The following RAB5A variants were observed in gnomAD, a reference collection of about 807,000 sequenced individuals.
The protein encoded by RAB5A is ras-related protein Rab-5A.
Under a neutral mutation model 25.7 loss-of-function variants are expected in RAB5A, and 8 were observed. That is an observed-to-expected ratio of 0.31 (90% CI 0.18 to 0.56). RAB5A has a LOEUF of 0.56. Among genes scored for constraint, RAB5A ranks in the 20% least tolerant of loss-of-function variants. The pLI is 0.91. For synonymous variants in RAB5A, 98 were observed against 89.8 expected (o/e 1.09, Z -0.52); for missense variants, 192 against 259.7 (o/e 0.74, Z 1.79).
intron 2 of RAB5A, among the ~76,000 whole-genome samples, chr3:19,959,625 A>ATTTTTTTTTTTTTTTTTTTTTTTTTT (rs63289661): frequency 8.5e-6 from 1 of 117,916 alleles, no homozygotes; most frequent in Non-Finnish European, 1.7e-5. Context: ...TTGTGTTCTG[A>ATTTTTTTTTTTTTTTTTTTTTTTTTT]TTTTTTTTTT....
At chr3:19,968,880 C>T (rs1052102201) in intron 2 of RAB5A, among the ~76,000 whole-genome samples, 1 of 152,208 alleles carries the variant, frequency 6.6e-6, no homozygotes, top group Admixed American at 6.5e-5. Flanking sequence ...TGCCCTCACA[C>T]TATCTTTTGG....
At chr3:19,975,393 A>T (rs1696808522) in intron 2 of RAB5A, 2 of 446,670 alleles carry the variant, frequency 4.5e-6, no homozygotes, top group Non-Finnish European at 7.9e-6. Flanking sequence ...TAAAGCTATT[A>T]TCAGCTGTGG....
chr3:19,966,959 C>T (rs1284172660), intron 2 of RAB5A, among the ~76,000 whole-genome samples: 1 of 152,086 alleles, frequency 6.6e-6, no homozygotes, highest in Non-Finnish European at 1.5e-5. Context: ...CCATGCCTGG[C>T]TATGTAAATT....
intron 1 of RAB5A, among the ~76,000 whole-genome samples, chr3:19,950,216 A>T (rs958976119): frequency 6.6e-6 from 1 of 152,218 alleles, no homozygotes; most frequent in African/African-American, 2.4e-5. Flanking sequence ...CGTTAGGCAC[A>T]CAAACCTGGG....
At chr3:19,971,586 C>G (rs1696752756) in intron 2 of RAB5A, among the ~76,000 whole-genome samples, 1 of 152,118 alleles carries the variant, frequency 6.6e-6, no homozygotes, top group African/African-American at 2.4e-5. Flanking sequence ...ATTCTCCTGC[C>G]TCAGCCTTCC....
chr3:19,984,116 T>A lies in RAB5A; in HGVS notation c.*293T>A. The A allele has an allele frequency of 2.4e-6, 1 of 410,024 alleles. No homozygotes were observed. 25.4% of individuals were successfully genotyped at this position (410,024 alleles called of 1,614,324 possible). On this transcript the variant is annotated 3_prime_UTR_variant, in exon 6 of 6. Transcript: ENST00000273047. ...CACTAGGAATATAGACAAATGACTGTCTGGGCCCACACAGTTAACCAGCCC... is the reference window on the plus strand; with the variant it reads ...CACTAGGAATATAGACAAATGACTGACTGGGCCCACACAGTTAACCAGCCC...
At chr3:19,965,168 C>T (rs1408725333) in intron 2 of RAB5A, among the ~76,000 whole-genome samples, 3 of 152,082 alleles carry the variant, frequency 2.0e-5, no homozygotes, top group Admixed American at 6.6e-5. Flanking sequence ...GTGATCCACC[C>T]GCCTCGGCCC....
chr3:19,948,796 G>A (rs950533855), intron 1 of RAB5A, among the ~76,000 whole-genome samples: 1 of 151,716 alleles, frequency 6.6e-6, no homozygotes, highest in Non-Finnish European at 1.5e-5. Context: ...TGGAAGTGCC[G>A]TAGAAATTTG....
intron 3 of RAB5A, 34 bp downstream of exon 3, chr3:19,975,786 TTGAG>T (rs1696816674): frequency 6.4e-7 from 1 of 1,564,580 alleles, no homozygotes; most frequent in Admixed American, 1.9e-5. Context: ...TAAAACTAAT[TTGAG>T]TACCCACTTT....
chr3:19,964,962 G>T (rs545871139), intron 2 of RAB5A, among the ~76,000 whole-genome samples: 1 of 152,158 alleles, frequency 6.6e-6, no homozygotes, highest in African/African-American at 2.4e-5. Flanking sequence ...ACGGAGTCTC[G>T]CTCTGTCCCC....
intron 5 of RAB5A, 118 bp from the exon 6 acceptor site, chr3:19,983,590 A>T: frequency 1.4e-6 from 1 of 703,994 alleles, no homozygotes; most frequent in Non-Finnish European, 2.5e-6. Context: ...GAATGAACAT[A>T]TGGTTATATG....
Position 19,978,272 on chromosome 3 carries a change from A to G in RAB5A, c.439-38A>G, listed in dbSNP as rs373535506. ...AGCAGGTGTAGTGTATTTCCAAGAG[A>G]TATATCTCATATATCTCATTTTTTG... On this transcript the variant is annotated intron_variant, in intron 4 of 5. Transcript: ENST00000273047. 103 of 1,326,766 alleles carry G rather than the reference A, an allele frequency of 7.8e-5. No homozygotes were observed. The Middle Eastern group carries it at 2.0e-3, about 26-fold the overall frequency. The allele number at this position is 1,326,766 out of a possible 1,614,324, so 82.2% of individuals were successfully genotyped here.
chr3:19,950,091 A>T (rs73032477), intron 1 of RAB5A, among the ~76,000 whole-genome samples: 1 of 152,102 alleles, frequency 6.6e-6, no homozygotes, highest in African/African-American at 2.4e-5. Flanking sequence ...AGACTACAAA[A>T]AAGTTACAAT....
chr3:19,978,292 T>G lies in RAB5A; in HGVS notation c.439-18T>G. Reference sequence around the variant, plus strand: ...AAGAGATATATCTCATATATCTCATTTTTTGTTCTGTAAACAGGAAGCACA... The same window carrying G: ...AAGAGATATATCTCATATATCTCATGTTTTGTTCTGTAAACAGGAAGCACA... On this transcript the variant is annotated intron_variant, in intron 4 of 5. Coordinates refer to ENST00000273047, the MANE Select transcript of RAB5A (RefSeq NM_004162.5). The G allele has an allele frequency of 6.5e-7, 1 of 1,537,242 alleles. No individual in the cohort carries two copies. Among genetic ancestry groups the G allele is most frequent in the Non-Finnish European group, 9.0e-7 (1 of 1,111,460 alleles).
At chr3:19,969,044 G>GTTTTTTTTTTT (rs746635502) in intron 2 of RAB5A, among the ~76,000 whole-genome samples, 2 of 65,554 alleles carry the variant, frequency 3.1e-5, no homozygotes, top group Non-Finnish European at 5.3e-5. Context: ...TTTTTTTTTT[G>GTTTTTTTTTTT]GTTTTTTTTT....
At chr3:19,983,079 A>G (rs1480082499) in intron 5 of RAB5A, among the ~76,000 whole-genome samples, 2 of 152,156 alleles carry the variant, frequency 1.3e-5, no homozygotes, top group Non-Finnish European at 1.5e-5. Context: ...GCTCACGCCT[A>G]TAATCCCAAC....
Position 19,977,180 on chromosome 3 carries a change from C to T in RAB5A, c.438+1011C>T, listed in dbSNP as rs576919891. Among the ~76,000 whole-genome samples the T allele has an allele frequency of 1.7e-3, 254 of 151,534 alleles. No homozygotes were observed. In the Middle Eastern group the frequency reaches 0.031, roughly 18 times the overall value. ...CTCCACCTCCTGGGCTTACGCCATT[C>T]TGCTGCCTCAGCCTCCCAAGTAGCT... On this transcript the variant is annotated intron_variant, in intron 4 of 5. Coordinates refer to ENST00000273047, the MANE Select transcript of RAB5A (RefSeq NM_004162.5).
chr3:19,948,502 T>C (rs1185248455), intron 1 of RAB5A, among the ~76,000 whole-genome samples: 1 of 152,218 alleles, frequency 6.6e-6, no homozygotes, highest in Non-Finnish European at 1.5e-5. Flanking sequence ...AACTATAGAA[T>C]GAATAACAGT....
intron 4 of RAB5A, among the ~76,000 whole-genome samples, chr3:19,976,583 G>T (rs993977497): frequency 1.3e-5 from 2 of 152,224 alleles, no homozygotes; most frequent in Non-Finnish European, 2.9e-5. Flanking sequence ...TACTTGGGAG[G>T]CTGAGGCAGG....
Sources: gnomAD v4.1 joint callset for allele counts (sites outside exome capture counted in the v4.1 genomes callset) on GRCh38, gnomAD v4.1.1 for gene constraint, MANE v1.5 for transcripts, NCBI Gene and HGNC (gene_info 2026-07-23, HGNC 2026-07-21) for gene names.